Variants in DLG2 observed in about 807,000 individuals in gnomAD.
The protein encoded by DLG2 is disks large homolog 2.
A neutral mutation model predicts 132.5 loss-of-function variants in DLG2; 45 were observed. That is an observed-to-expected ratio of 0.34 (90% CI 0.27 to 0.44). The LOEUF is 0.44. DLG2 is among the 20% of genes least tolerant of loss of function. The probability of loss-of-function intolerance (pLI) is 1.00; values close to 1 mark genes in which losing one functional copy is unlikely to be tolerated. For synonymous variants in DLG2, 424 were observed against 419.6 expected, an observed-to-expected ratio of 1.01 and a Z score of -0.13; for missense variants, 1,045 against 1,196.9, an observed-to-expected ratio of 0.87 and a Z score of 1.87.
intron 8 of DLG2, among the ~76,000 whole-genome samples, chr11:84,211,167 C>T (rs2096749501): frequency 6.6e-6 from 1 of 152,162 alleles, no homozygotes; most frequent in South Asian, 2.1e-4. Context: ...TGATTATAGT[C>T]ATCTCAGACT....
At chr11:83,625,196 G>A (rs926702260) in intron 19 of DLG2, among the ~76,000 whole-genome samples, 1 of 152,172 alleles carries the variant, frequency 6.6e-6, no homozygotes, top group Non-Finnish European at 1.5e-5. Flanking sequence ...CTGGGAAACA[G>A]CCAACATGTT....
intron 3 of DLG2, among the ~76,000 whole-genome samples, chr11:85,527,141 TTTTG>T (rs897689666): frequency 5.3e-5 from 8 of 152,102 alleles, no homozygotes; most frequent in East Asian, 1.9e-4. Flanking sequence ...TCTTGGGGTT[TTTTG>T]TTTGTTTGTT....
chr11:84,553,525 A>G (rs142321273), intron 6 of DLG2, among the ~76,000 whole-genome samples: 5 of 152,336 alleles, frequency 3.3e-5, no homozygotes, highest in African/African-American at 4.8e-5. Flanking sequence ...CTTTGGCCGT[A>G]TAAAGGAGCA....
chr11:85,531,911 C>T (rs72953980), intron 3 of DLG2, among the ~76,000 whole-genome samples: 3 of 152,084 alleles, frequency 2.0e-5, no homozygotes, highest in South Asian at 2.1e-4. Flanking sequence ...AACTAAGGAA[C>T]AAAAATGTTA....
At chr11:83,625,662 G>A (rs1398662408) in intron 19 of DLG2, among the ~76,000 whole-genome samples, 1 of 152,166 alleles carries the variant, frequency 6.6e-6, no homozygotes, top group Non-Finnish European at 1.5e-5. Flanking sequence ...TTCACCCTGG[G>A]CCCTTCCCTT....
chr11:83,914,465 GA>G (rs144424228), intron 15 of DLG2, among the ~76,000 whole-genome samples: 331 of 152,248 alleles, frequency 2.2e-3, no homozygotes, highest in African/African-American at 7.8e-3. Context: ...ATAACACCAA[GA>G]TGTTTTTCTA....
chr11:83,793,738 A>G (rs1368219221), intron 17 of DLG2, among the ~76,000 whole-genome samples: 1 of 152,160 alleles, frequency 6.6e-6, no homozygotes, highest in East Asian at 1.9e-4. Context: ...CCTACCTATC[A>G]GGGCTGTTGC....
chr11:83,823,116 T>C (rs780656511), intron 17 of DLG2, among the ~76,000 whole-genome samples: 2 of 152,106 alleles, frequency 1.3e-5, no homozygotes, highest in Non-Finnish European at 2.9e-5. Flanking sequence ...AGAGATTAGC[T>C]AATAAAATAG....
At chr11:84,676,910 A>C (rs780556270) in intron 6 of DLG2, among the ~76,000 whole-genome samples, 1 of 152,074 alleles carries the variant, frequency 6.6e-6, no homozygotes, top group Non-Finnish European at 1.5e-5. Context: ...GGCAGATGGA[A>C]CAAGTGAGAA....
chr11:84,017,186 T>C (rs2095232841), intron 11 of DLG2, among the ~76,000 whole-genome samples: 1 of 152,064 alleles, frequency 6.6e-6, no homozygotes, highest in South Asian at 2.1e-4. Context: ...CAATGAATTT[T>C]AAAAAGGGGT....
At chr11:83,644,886 A>T (rs1156434057) in intron 18 of DLG2, among the ~76,000 whole-genome samples, 1 of 152,176 alleles carries the variant, frequency 6.6e-6, no homozygotes, top group Non-Finnish European at 1.5e-5. Context: ...TTCATTGCAT[A>T]GTACCATTTG....
intron 3 of DLG2, among the ~76,000 whole-genome samples, chr11:85,508,827 C>A (rs895142615): frequency 6.6e-6 from 1 of 151,936 alleles, no homozygotes; most frequent in Non-Finnish European, 1.5e-5. Flanking sequence ...TAGCACCTAG[C>A]TTAGCATCTG....
At chr11:83,992,551 G>A (rs990817926) in intron 11 of DLG2, among the ~76,000 whole-genome samples, 5 of 152,124 alleles carry the variant, frequency 3.3e-5, no homozygotes, top group African/African-American at 7.2e-5. Flanking sequence ...GCTTAGTTGA[G>A]AAACTCAGAA....
chr11:83,639,787 A>AT (rs1264647725), intron 18 of DLG2, among the ~76,000 whole-genome samples: 1 of 128,602 alleles, frequency 7.8e-6, no homozygotes, highest in Non-Finnish European at 1.6e-5. Flanking sequence ...TGGGAGTAAA[A>AT]TTAAAAAAAA....
At chr11:84,952,479 A>C (rs1396980600) in intron 6 of DLG2, among the ~76,000 whole-genome samples, 1 of 152,070 alleles carries the variant, frequency 6.6e-6, no homozygotes, top group Non-Finnish European at 1.5e-5. Flanking sequence ...ATCGCGCCAC[A>C]GCACTCCCGC....
At chr11:85,481,615 C>T (rs2093292511) in intron 3 of DLG2, among the ~76,000 whole-genome samples, 1 of 152,130 alleles carries the variant, frequency 6.6e-6, no homozygotes, top group South Asian at 2.1e-4. Flanking sequence ...CCCCCAACAG[C>T]CCCAAACTCC....
In DLG2 at chr11:84,596,412, G is replaced by A. The variant is rs1016515437; in HGVS notation, c.358-61681C>T. 3.3e-5 allele frequency among the ~76,000 whole-genome samples: 5 copies of A among 149,800 alleles called. No individual in the cohort carries two copies. The East Asian group carries it at 5.9e-4, about 18-fold the overall frequency. ...TTTTTTTTTTTTTAGTAGTAGAGAC[G>A]GGGTTTCGACACGTTGGCCAGGCTC... On this transcript the variant is annotated intron_variant, in intron 6 of 27. Coordinates refer to ENST00000376104, the MANE Select transcript of DLG2 (RefSeq NM_001142699.3).
chr11:85,060,385 G>A (rs563218109), intron 6 of DLG2, among the ~76,000 whole-genome samples: 5 of 149,388 alleles, frequency 3.3e-5, no homozygotes, highest in African/African-American at 1.2e-4. Flanking sequence ...TACATCACAA[G>A]ATGTTATATA....
chr11:84,827,082 T>A (rs1470876541), intron 6 of DLG2, among the ~76,000 whole-genome samples: 1 of 151,760 alleles, frequency 6.6e-6, no homozygotes, highest in Non-Finnish European at 1.5e-5. Context: ...ACCTGCTTCA[T>A]CACTAATAAT....
Sources: allele counts gnomAD v4.1 joint callset (sites outside exome capture counted in the v4.1 genomes callset), GRCh38; gene constraint gnomAD v4.1.1; transcripts MANE v1.5; gene names NCBI Gene and HGNC (gene_info 2026-07-23, HGNC 2026-07-21).